Variants in FAM184A observed in about 807,000 individuals in gnomAD.
FAM184A encodes the protein family with sequence similarity 184 member A.
Under a neutral mutation model 143.8 loss-of-function variants are expected in FAM184A, and 99 were observed. That is an observed-to-expected ratio of 0.69 (90% CI 0.58 to 0.81). The LOEUF is 0.81. FAM184A is among the 40% of genes least tolerant of loss of function. The probability of loss-of-function intolerance (pLI) is 0.00; values close to 1 mark genes in which losing one functional copy is unlikely to be tolerated. For synonymous variants in FAM184A, 427 were observed against 446.4 expected (o/e 0.96, Z 0.55); for missense variants, 1,217 against 1,310.5 (o/e 0.93, Z 1.10).
chr6:119,064,776 A>G lies in FAM184A; in HGVS notation c.159+13365T>C, dbSNP rs1446115796. On this transcript the variant is annotated intron_variant, in intron 1 of 17. Coordinates refer to ENST00000338891, the MANE Select transcript of FAM184A (RefSeq NM_024581.6). ...TCCTCTTGGGACAACCAGATGTCTTATGGATGCTTTCCTCTGTCTCTGGTC... is the reference window on the plus strand; with the variant it reads ...TCCTCTTGGGACAACCAGATGTCTTGTGGATGCTTTCCTCTGTCTCTGGTC... Among the ~76,000 whole-genome samples the G allele has an allele frequency of 5.9e-5, 9 of 152,204 alleles. No individual in the cohort carries two copies. The East Asian group carries it at 1.7e-3, about 29-fold the overall frequency.
rs375965878 is a variant in FAM184A at position 119,041,396 on chromosome 6, G to A, written c.160-16583C>T. ...GGGGCTTGCAACTTAGCTCACACTC[G>A]GCCAATCAGGTAGTAAAGAGCGCTC... is the stretch of plus-strand genomic sequence containing the variant. On this transcript the variant is annotated intron_variant, in intron 1 of 17. Coordinates refer to ENST00000338891, the MANE Select transcript of FAM184A (RefSeq NM_024581.6). 2.7e-4 allele frequency among the ~76,000 whole-genome samples: 41 copies of A among 152,234 alleles called. 1 individual carries two copies. The highest frequency in any genetic ancestry group is 2.5e-3 in the East Asian group (13 of 5,168).
chr6:119,136,085 T>C (rs1582646327), intron 1 of FAM184A, among the ~76,000 whole-genome samples: 1 of 149,608 alleles, frequency 6.7e-6, no homozygotes, highest in East Asian at 2.0e-4. Context: ...GAGACCATCC[T>C]GGCTAACAAG....
intron 1 of FAM184A, among the ~76,000 whole-genome samples, chr6:119,110,136 C>T (rs1788895625): frequency 6.6e-6 from 1 of 152,108 alleles, no homozygotes; most frequent in Non-Finnish European, 1.5e-5. Flanking sequence ...GTAAGCAGTC[C>T]ACCTACAGAT....
intron 14 of FAM184A, among the ~76,000 whole-genome samples, chr6:118,968,765 T>C (rs1241068465): frequency 6.6e-6 from 1 of 152,212 alleles, no homozygotes; most frequent in Non-Finnish European, 1.5e-5. Context: ...TATTTTTTTG[T>C]TAATTGAGAA....
At chr6:119,121,826 C>T (rs996908840) in intron 1 of FAM184A, among the ~76,000 whole-genome samples, 3 of 152,216 alleles carry the variant, frequency 2.0e-5, no homozygotes, top group African/African-American at 4.8e-5. Flanking sequence ...CAGTATTGAA[C>T]GCTGCTTTAC....
chr6:119,147,741 A>G (rs1772500268), intron 1 of FAM184A, among the ~76,000 whole-genome samples: 1 of 152,220 alleles, frequency 6.6e-6, no homozygotes, highest in South Asian at 2.1e-4. Context: ...AATAACGGAC[A>G]GCTTCCCTAA....
intron 1 of FAM184A, chr6:119,025,580 G>A (rs1296796062): frequency 3.9e-6 from 2 of 518,934 alleles, no homozygotes; most frequent in South Asian, 1.4e-5. Flanking sequence ...TCACTGAGAT[G>A]TCCCAACCTT....
intron 9 of FAM184A, among the ~76,000 whole-genome samples, chr6:118,991,993 T>C (rs1784395940): frequency 6.6e-6 from 1 of 151,746 alleles, no homozygotes; most frequent in Non-Finnish European, 1.5e-5. Flanking sequence ...CTCGATCTCC[T>C]GACCTCGTGA....
At chr6:118,970,622 C>A (rs1245985941) in intron 14 of FAM184A, among the ~76,000 whole-genome samples, 1 of 152,032 alleles carries the variant, frequency 6.6e-6, no homozygotes, top group Non-Finnish European at 1.5e-5. Flanking sequence ...ATATGATCAT[C>A]CCAAGGATGA....
intron 1 of FAM184A, among the ~76,000 whole-genome samples, chr6:119,144,446 C>A (rs6934752): frequency 8.5e-4 from 130 of 152,130 alleles, no homozygotes; most frequent in Non-Finnish European, 3.5e-4. Context: ...GCCTGGAAGC[C>A]GACAGCTCTG....
chr6:118,980,837 T>G (rs1260609068), intron 9 of FAM184A, among the ~76,000 whole-genome samples: 1 of 152,218 alleles, frequency 6.6e-6, no homozygotes, highest in Non-Finnish European at 1.5e-5. Context: ...TTACTACATA[T>G]AGCTCACTTT....
chr6:119,085,828 T>A (rs1350201364), intron 1 of FAM184A, among the ~76,000 whole-genome samples: 1 of 151,406 alleles, frequency 6.6e-6, no homozygotes, highest in Non-Finnish European at 1.5e-5. Context: ...TGGAGGAGGG[T>A]GAAGGGGAAG....
chr6:119,055,774 A>G (rs550876670), intron 1 of FAM184A, among the ~76,000 whole-genome samples: 2 of 152,298 alleles, frequency 1.3e-5, no homozygotes, highest in African/African-American at 4.8e-5. Context: ...TGTAATGGGT[A>G]TGACTTATTA....
intron 1 of FAM184A, among the ~76,000 whole-genome samples, chr6:119,098,771 T>A (rs1485837223): frequency 6.6e-6 from 1 of 152,162 alleles, no homozygotes; most frequent in African/African-American, 2.4e-5. Context: ...GAGGTCTACG[T>A]GCCGGTGGAC....
intron 1 of FAM184A, among the ~76,000 whole-genome samples, chr6:119,113,202 T>TA (rs139509243): frequency 5.9e-5 from 9 of 151,302 alleles, no homozygotes; most frequent in South Asian, 2.1e-4. Flanking sequence ...CTCAACCCTT[T>TA]AAAAAAAAAT....
At chr6:118,970,008 A>ATTTTTTTTTTT (rs11272298) in intron 14 of FAM184A, among the ~76,000 whole-genome samples, 1 of 19,030 alleles carries the variant, frequency 5.3e-5, no homozygotes, top group Non-Finnish European at 1.1e-4. Context: ...ATATATATAT[A>ATTTTTTTTTTT]TTTTTTTTTT....
At chr6:119,041,768 T>A (rs1454126250) in intron 1 of FAM184A, among the ~76,000 whole-genome samples, 2 of 152,128 alleles carry the variant, frequency 1.3e-5, no homozygotes, top group Non-Finnish European at 1.5e-5. Context: ...CCACTGCCAC[T>A]CTGGATCGGG....
At chr6:119,066,413 T>C (rs907414474) in intron 1 of FAM184A, among the ~76,000 whole-genome samples, 2 of 152,168 alleles carry the variant, frequency 1.3e-5, no homozygotes, top group Admixed American at 6.6e-5. Flanking sequence ...AATCTCCCCA[T>C]CTCAAGATCC....
intron 16 of FAM184A, among the ~76,000 whole-genome samples, chr6:118,964,368 A>T (rs1783427986): frequency 6.6e-6 from 1 of 152,204 alleles, no homozygotes; most frequent in Admixed American, 6.5e-5. Flanking sequence ...GAACAATAAG[A>T]AAACAACAAG....
Sources: gnomAD v4.1 joint callset for allele counts (sites outside exome capture counted in the v4.1 genomes callset) on GRCh38, gnomAD v4.1.1 for gene constraint, MANE v1.5 for transcripts, NCBI Gene and HGNC (gene_info 2026-07-23, HGNC 2026-07-21) for gene names.